Variants in MARCHF6 observed in about 807,000 individuals in gnomAD.
MARCHF6 encodes E3 ubiquitin-protein ligase MARCHF6.
MARCHF6 carries 31 observed loss-of-function variants against 133.7 expected under a neutral mutation model. The ratio of observed to expected loss-of-function variants is 0.23; its 90% CI spans 0.17 to 0.31. The LOEUF is 0.31. MARCHF6 is among the 10% of genes least tolerant of loss of function. The pLI is 1.00. For missense variants in MARCHF6, 723 were observed against 1,121.6 expected (o/e 0.64, Z 5.08); for synonymous variants, 395 against 402.5 (o/e 0.98, Z 0.22).
intron 4 of MARCHF6, among the ~76,000 whole-genome samples, chr5:10,385,464 ATAAAAT>A (rs949868141): frequency 1.2e-4 from 18 of 152,228 alleles, no homozygotes; most frequent in African/African-American, 3.9e-4. Context: ...AAGTAGGGAA[ATAAAAT>A]TAAATACATC....
At chr5:10,408,231 A>G (rs910992046) in intron 17 of MARCHF6, among the ~76,000 whole-genome samples, 4 of 152,190 alleles carry the variant, frequency 2.6e-5, no homozygotes, top group African/African-American at 9.7e-5. Flanking sequence ...CTCTGCCTCT[A>G]GATTTTCTAG....
intron 3 of MARCHF6, among the ~76,000 whole-genome samples, chr5:10,380,091 G>A (rs1349337748): frequency 4.6e-5 from 7 of 151,514 alleles, no homozygotes; most frequent in Admixed American, 1.3e-4. Context: ...AATATTTGAA[G>A]CATAATTTTT....
At chr5:10,353,940 C>A in intron 1 of MARCHF6, 23 bp downstream of exon 1, 2 of 1,544,536 alleles carry the variant, frequency 1.3e-6, no homozygotes, top group East Asian at 2.5e-5. Flanking sequence ...CGCGCGGCGC[C>A]CGAGCCCTTG....
intron 7 of MARCHF6, 78 bp from the exon 8 acceptor site, chr5:10,394,004 A>C: frequency 2.4e-6 from 2 of 824,838 alleles, no homozygotes; most frequent in East Asian, 5.9e-5. Context: ...AAATTTTACT[A>C]TTTTTAGTGC....
rs1737509065 is a variant in MARCHF6, at chr5:10,386,831, CTG to C, written c.335-159_335-158del. On this transcript the variant is annotated intron_variant, in intron 4 of 25. Coordinates refer to ENST00000274140, the MANE Select transcript of MARCHF6 (RefSeq NM_005885.4). ...TCATTGTCACTATATTTGTGCTTGA[CTG>C]TGTTTTTAAAAATTTAATATTTTGA... 5.5e-6 allele frequency: 3 copies of C among 547,742 alleles called. No individual in the cohort carries two copies. In the African/African-American group the frequency reaches 5.6e-5, roughly 10 times the overall value. The allele number at this position is 547,742 out of a possible 1,614,324, so 33.9% of individuals were successfully genotyped here. A position where few individuals can be genotyped will look rare whatever the true frequency, so the allele number is the denominator to read the frequency against.
At chr5:10,392,396 T>C (rs1049473627) in intron 7 of MARCHF6, among the ~76,000 whole-genome samples, 2 of 152,208 alleles carry the variant, frequency 1.3e-5, no homozygotes, top group African/African-American at 4.8e-5. Flanking sequence ...CTTGAGTCAG[T>C]GCAATTTCTA....
At position 10,438,611 on chromosome 5, in the gene MARCHF6, TCC is replaced by T. The variant is rs1427336382; in HGVS notation, c.*4928_*4929del. The T allele has an allele frequency of 6.6e-6, 1 of 152,258 alleles. No homozygotes were observed. The highest frequency in any genetic ancestry group is 2.4e-5 in the African/African-American group (1 of 41,470). The allele number at this position is 152,258 out of a possible 1,614,324, so 9.4% of individuals were successfully genotyped here. Reference sequence around the variant, plus strand: ...GGCTGAGAGGGTAACGTTCCCCTCCTCCTCCATGTTTTTATTTTGGTGTCTGT... The same window carrying T: ...GGCTGAGAGGGTAACGTTCCCCTCCTTCCATGTTTTTATTTTGGTGTCTGT... On this transcript the variant is annotated 3_prime_UTR_variant, in exon 26 of 26. Transcript: ENST00000274140.
rs1228678568 is a variant in MARCHF6 at position 10,394,801 on chromosome 5, T to TC, written c.861+16_861+17insC. On this transcript the variant is annotated intron_variant, in intron 9 of 25. Transcript: ENST00000274140. ...AGTTTTTCTGGTAAGTAAAACTAATTTTTTTTTTTTTTTTTTGAGACGGAA... is the reference window on the plus strand; with the variant it reads ...AGTTTTTCTGGTAAGTAAAACTAATTCTTTTTTTTTTTTTTTTGAGACGGAA... 1 of 1,051,194 alleles carries TC rather than the reference T, an allele frequency of 9.5e-7. No individual in the cohort carries two copies. The highest frequency in any genetic ancestry group is 1.7e-5 in the African/African-American group (1 of 60,606). 65.1% of individuals were successfully genotyped at this position (1,051,194 alleles called of 1,614,324 possible).
chr5:10,422,409 G>C lies in MARCHF6; in HGVS notation c.2284-1326G>C, dbSNP rs1479691077. The stretch of plus-strand genomic sequence containing the variant: ...GGGGCTCATGAGATTTGGTAAGATT[G>C]AGATCCAAGATAAAAACACGTAATT... On this transcript the variant is annotated intron_variant, in intron 22 of 25. Coordinates refer to ENST00000274140, the MANE Select transcript of MARCHF6 (RefSeq NM_005885.4). 1.1e-4 allele frequency among the ~76,000 whole-genome samples: 16 copies of C among 152,290 alleles called. No homozygotes were observed. In the East Asian group the frequency reaches 3.1e-3, roughly 29 times the overall value.
intron 17 of MARCHF6, among the ~76,000 whole-genome samples, chr5:10,408,001 G>GTAATCTT (rs1268202391): frequency 7.1e-6 from 1 of 140,032 alleles, no homozygotes; most frequent in East Asian, 2.1e-4. Context: ...CCCACTACCA[G>GTAATCTT]TAATCTTTAC....
intron 9 of MARCHF6, among the ~76,000 whole-genome samples, chr5:10,396,915 A>G (rs544091243): frequency 1.3e-5 from 2 of 152,338 alleles, no homozygotes; most frequent in South Asian, 2.1e-4. Flanking sequence ...TGACGTTAAC[A>G]TGATGTTTAC....
chr5:10,423,726 AT>A lies in MARCHF6; in HGVS notation c.2284-7del. ...ACAGAAATATGTTAAATGGTTTTTA[AT>A]TCCCTAGGACTGGGCACTTGGAGTC... On this transcript the variant is annotated splice_region_variant and splice_polypyrimidine_tract_variant and intron_variant, in intron 22 of 25. Transcript: ENST00000274140. 1 of 1,591,670 alleles carries A rather than the reference AT, an allele frequency of 6.3e-7. No homozygotes were observed. Among genetic ancestry groups the A allele is most frequent in the Non-Finnish European group, 8.6e-7 (1 of 1,162,660 alleles).
Position 10,381,799 on chromosome 5 carries a change from G to T in MARCHF6, c.191-1G>T. The T allele has an allele frequency of 6.3e-7, 1 of 1,587,254 alleles. No homozygotes were observed. Among genetic ancestry groups the T allele is most frequent in the Non-Finnish European group, 8.5e-7 (1 of 1,170,684 alleles). On this transcript the variant is annotated splice_acceptor_variant, in intron 3 of 25. Coordinates refer to ENST00000274140, the MANE Select transcript of MARCHF6 (RefSeq NM_005885.4). LOFTEE classifies it high-confidence loss of function. ...TGTAAGTACTTTTTTTCCGCTTATA[G>T]TTTATTCTCCAGATATGCCTTCACG...
intron 7 of MARCHF6, among the ~76,000 whole-genome samples, chr5:10,392,209 G>A (rs959747069): frequency 1.3e-5 from 2 of 152,088 alleles, no homozygotes; most frequent in South Asian, 2.1e-4. Flanking sequence ...CGCCCATCTC[G>A]GCCTCCAAAG....
At chr5:10,408,029 C>CT (rs1739013557) in intron 17 of MARCHF6, among the ~76,000 whole-genome samples, 1 of 147,084 alleles carries the variant, frequency 6.8e-6, no homozygotes. Flanking sequence ...CCTATATGCT[C>CT]TTTAGGGATT....
At chr5:10,419,536 G>C (rs1473624415) in intron 22 of MARCHF6, among the ~76,000 whole-genome samples, 1 of 151,506 alleles carries the variant, frequency 6.6e-6, no homozygotes, top group Admixed American at 6.6e-5. Flanking sequence ...ATCTAATTAA[G>C]CATATGTTAT....
rs1740707718 is a variant in MARCHF6, at chr5:10,437,730, C to A, written c.*4046C>A. 6.6e-6 allele frequency: 1 copy of A among 152,116 alleles called. No homozygotes were observed. 9.4% of individuals were successfully genotyped at this position (152,116 alleles called of 1,614,324 possible). ...TGTCAATTTTCTATCAACGCAAACA[C>A]CTTAGGGTACCCAGACCAATTTTAT... is the stretch of plus-strand genomic sequence containing the variant. On this transcript the variant is annotated 3_prime_UTR_variant, in exon 26 of 26. Coordinates refer to ENST00000274140, the MANE Select transcript of MARCHF6 (RefSeq NM_005885.4).
Position 10,414,417 on chromosome 5 carries a change from A to G in MARCHF6, c.1897-16A>G, listed in dbSNP as rs374929659. 1.9e-6 allele frequency: 3 copies of G among 1,545,494 alleles called. No homozygotes were observed. The highest frequency in any genetic ancestry group is 2.7e-6 in the Non-Finnish European group (3 of 1,120,014). On this transcript the variant is annotated splice_polypyrimidine_tract_variant and intron_variant, in intron 19 of 25. Coordinates refer to ENST00000274140, the MANE Select transcript of MARCHF6 (RefSeq NM_005885.4). ...CGTGTTCTCTATTTATGCACTCCTT[A>G]TGTTTTACTTTGCAGATATTTCTGT...
intron 1 of MARCHF6, among the ~76,000 whole-genome samples, chr5:10,369,171 A>G (rs978155834): frequency 4.6e-5 from 7 of 152,190 alleles, no homozygotes; most frequent in Non-Finnish European, 7.3e-5. Flanking sequence ...CTCATATTTC[A>G]TTGACCAAAG....
Sources: allele counts gnomAD v4.1 joint callset (sites outside exome capture counted in the v4.1 genomes callset), GRCh38; gene constraint gnomAD v4.1.1; transcripts MANE v1.5; gene names NCBI Gene and HGNC (gene_info 2026-07-23, HGNC 2026-07-21).